DEPTOR: variants seen among roughly 807,000 people sequenced by gnomAD.
DEPTOR encodes the protein DEP domain-containing mTOR-interacting protein.
A neutral mutation model predicts 41.6 loss-of-function variants in DEPTOR; 41 were observed. That is an observed-to-expected ratio of 0.98 (90% CI 0.77 to 1.28). DEPTOR has a LOEUF of 1.28. Ranked by LOEUF, DEPTOR falls within the 50% of genes most tolerant of loss-of-function variation. DEPTOR has a pLI of 0.00. For missense variants in DEPTOR, 514 were observed against 527.9 expected (o/e 0.97, Z 0.26); for synonymous variants, 195 against 192.3 (o/e 1.01, Z -0.12).
At chr8:119,987,658 C>T (rs569066752) in intron 4 of DEPTOR, among the ~76,000 whole-genome samples, 1 of 152,252 alleles carries the variant, frequency 6.6e-6, no homozygotes, top group East Asian at 1.9e-4. Flanking sequence ...GGTGCTCTGT[C>T]CCAGGGAGAG....
At chr8:119,999,229 G>A (rs185784658) in intron 4 of DEPTOR, among the ~76,000 whole-genome samples, 5 of 151,108 alleles carry the variant, frequency 3.3e-5, no homozygotes, top group African/African-American at 1.2e-4. Flanking sequence ...CCGAGATTGT[G>A]CCATTGCACT....
At chr8:120,007,516 G>T (rs1812461289) in intron 7 of DEPTOR, among the ~76,000 whole-genome samples, 1 of 152,072 alleles carries the variant, frequency 6.6e-6, no homozygotes. Context: ...TCTTCAAATG[G>T]AATGAAAGTG....
Position 119,975,870 on chromosome 8 carries a change from CTTTTTTTTTTTTTTTT to C in DEPTOR, c.604+10473_604+10488del, listed in dbSNP as rs34482727. 7.7e-5 allele frequency among the ~76,000 whole-genome samples: 5 copies of C among 65,312 alleles called. No homozygotes were observed. The East Asian group carries it at 2.3e-3, about 30-fold the overall frequency. 42.8% of individuals were successfully genotyped at this position (65,312 alleles called of 152,430 possible). ...CCTGCTCTCCTACTCATGCTTGCTC[CTTTTTTTTTTTTTTTT>C]TTTTTTTTTTTTGAGATGGAGTCTC... is the stretch of plus-strand genomic sequence containing the variant. On this transcript the variant is annotated intron_variant, in intron 4 of 8. Coordinates refer to ENST00000286234, the MANE Select transcript of DEPTOR (RefSeq NM_022783.4).
At chr8:119,877,750 C>T (rs1364686958) in intron 1 of DEPTOR, among the ~76,000 whole-genome samples, 1 of 152,186 alleles carries the variant, frequency 6.6e-6, no homozygotes, top group Non-Finnish European at 1.5e-5. Flanking sequence ...AGCATCCTTC[C>T]CTACAGAATG....
intron 1 of DEPTOR, among the ~76,000 whole-genome samples, chr8:119,904,917 A>G (rs1827642131): frequency 6.6e-6 from 1 of 150,520 alleles, no homozygotes; most frequent in Non-Finnish European, 1.5e-5. Context: ...TCAGCCACCC[A>G]AGTAGCTAGG....
rs1177544022 is a variant in DEPTOR, at chr8:120,049,749, G to A, written c.*45G>A. ...CTCCAGTGGCCTGTGGGTGAGGGAAGCCAGAATGACACAAAGCAATGCAAA... is the reference window on the plus strand; with the variant it reads ...CTCCAGTGGCCTGTGGGTGAGGGAAACCAGAATGACACAAAGCAATGCAAA... On this transcript the variant is annotated 3_prime_UTR_variant, in exon 9 of 9. Transcript: ENST00000286234. The A allele has an allele frequency of 3.1e-6, 5 of 1,608,962 alleles. No homozygotes were observed. The highest frequency in any genetic ancestry group is 1.3e-5 in the African/African-American group (1 of 74,840).
At chr8:120,012,223 A>G (rs1812540683) in intron 8 of DEPTOR, among the ~76,000 whole-genome samples, 1 of 152,250 alleles carries the variant, frequency 6.6e-6, no homozygotes, top group African/African-American at 2.4e-5. Context: ...ATATAAAGTC[A>G]TACACCACTT....
rs151045844 is a variant in DEPTOR, at chr8:120,030,489, G to C, written c.1102-19087G>C. 8.0e-4 allele frequency among the ~76,000 whole-genome samples: 74 copies of C among 92,150 alleles called. No homozygotes were observed. In the East Asian group the frequency reaches 0.023, roughly 28 times the overall value. 60.5% of individuals were successfully genotyped at this position (92,150 alleles called of 152,430 possible). On this transcript the variant is annotated intron_variant, in intron 8 of 8. Coordinates refer to ENST00000286234, the MANE Select transcript of DEPTOR (RefSeq NM_022783.4). ...TGGGTGATAATGATGTATTGTGTAG[G>C]TTCATCAGTTTTTTTTTTTTTTTTT...
chr8:119,911,206 GA>G (rs1827731538), intron 1 of DEPTOR, among the ~76,000 whole-genome samples: 1 of 151,918 alleles, frequency 6.6e-6, no homozygotes, highest in Non-Finnish European at 1.5e-5. Context: ...TTGTCTCCTG[GA>G]GTGCCCTGTG....
At chr8:119,902,145 A>T (rs1827601845) in intron 1 of DEPTOR, among the ~76,000 whole-genome samples, 1 of 152,168 alleles carries the variant, frequency 6.6e-6, no homozygotes, top group Admixed American at 6.5e-5. Flanking sequence ...TTAGAGATGA[A>T]AAGCTTTACG....
rs1030614835 is a variant in DEPTOR at position 120,049,675 on chromosome 8, A to G, written c.1201A>G (p.Met401Val). 1.2e-6 allele frequency: 2 copies of G among 1,613,866 alleles called. No homozygotes were observed. Among genetic ancestry groups the G allele is most frequent in the African/African-American group, 2.7e-5 (2 of 74,932 alleles). The change falls in exon 9 of 9, where the codon ATG becomes GTG. Residue 401 changes from methionine to valine, a missense_variant. Transcript: ENST00000286234. ...LILTGPRTIVMEVMEELEC is the reference protein window; with the variant it reads ...LILTGPRTIVVEVMEELEC ...TCTGACGGGCCCACGGACGATTGTC[A>G]TGGAAGTCATGGAGGAGTTAGAGTG... is the stretch of plus-strand genomic sequence containing the variant.
Position 120,049,880 on chromosome 8 carries a change from A to G in DEPTOR, c.*176A>G, listed in dbSNP as rs947374183. 4.4e-6 allele frequency: 3 copies of G among 679,328 alleles called. No homozygotes were observed. Among genetic ancestry groups the G allele is most frequent in the Non-Finnish European group, 6.4e-6 (3 of 466,464 alleles). The allele number at this position is 679,328 out of a possible 1,614,324, so 42.1% of individuals were successfully genotyped here. Reference sequence around the variant, plus strand: ...ACTGAATGTGGAAGAACCGGGTATCATATCTTTTTTAAAAAATGTCAGTGT... The same window carrying G: ...ACTGAATGTGGAAGAACCGGGTATCGTATCTTTTTTAAAAAATGTCAGTGT... On this transcript the variant is annotated 3_prime_UTR_variant, in exon 9 of 9. Transcript: ENST00000286234.
At chr8:119,944,274 T>G (rs1470180826) in intron 3 of DEPTOR, among the ~76,000 whole-genome samples, 3 of 152,208 alleles carry the variant, frequency 2.0e-5, no homozygotes, top group Admixed American at 1.3e-4. Context: ...TTATCCACAC[T>G]CTATAAATGG....
At chr8:120,013,539 G>A (rs1414105463) in intron 8 of DEPTOR, among the ~76,000 whole-genome samples, 1 of 152,194 alleles carries the variant, frequency 6.6e-6, no homozygotes, top group African/African-American at 2.4e-5. Flanking sequence ...TAGTCGTCAA[G>A]AGGGTCCTGG....
intron 1 of DEPTOR, among the ~76,000 whole-genome samples, chr8:119,897,390 G>A (rs1040374136): frequency 2.6e-5 from 4 of 151,994 alleles, no homozygotes; most frequent in African/African-American, 9.7e-5. Flanking sequence ...AAAATTAGCT[G>A]GACATGGTAG....
At position 120,034,443 on chromosome 8, in the gene DEPTOR, C is replaced by CTTTTTTTTTTTT. The variant is rs148465030; in HGVS notation, c.1102-15122_1102-15111dup. Reference sequence around the variant, plus strand: ...TTTTTTTTTCTTTTTTTTCCTTTTTCTTTTTTTTTTTTTTTTTTTTTTGAG... The same window carrying CTTTTTTTTTTTT: ...TTTTTTTTTCTTTTTTTTCCTTTTTCTTTTTTTTTTTTTTTTTTTTTTTTTTTTTTTTTTGAG... On this transcript the variant is annotated intron_variant, in intron 8 of 8. Transcript: ENST00000286234. 1.2e-3 allele frequency among the ~76,000 whole-genome samples: 111 copies of CTTTTTTTTTTTT among 91,560 alleles called. 2 individuals are homozygous for CTTTTTTTTTTTT. The highest frequency in any genetic ancestry group is 4.8e-3 in the African/African-American group (105 of 21,920). The allele number at this position is 91,560 out of a possible 152,430, so 60.1% of individuals were successfully genotyped here.
chr8:120,024,097 C>A (rs111884018), intron 8 of DEPTOR, among the ~76,000 whole-genome samples: 12 of 152,192 alleles, frequency 7.9e-5, no homozygotes, highest in African/African-American at 2.9e-4. Context: ...CTTAGCCGGG[C>A]ATGGTGGCAT....
chr8:120,003,643 C>T (rs1275421851), intron 6 of DEPTOR, among the ~76,000 whole-genome samples: 4 of 152,124 alleles, frequency 2.6e-5, no homozygotes, highest in African/African-American at 7.2e-5. Flanking sequence ...TGTTGGGGCC[C>T]AACACCCTTA....
chr8:119,951,236 AAAT>A (rs1370451880), intron 3 of DEPTOR, among the ~76,000 whole-genome samples: 1 of 152,230 alleles, frequency 6.6e-6, no homozygotes, highest in Non-Finnish European at 1.5e-5. Context: ...CATTCAGAAT[AAAT>A]AATAACCATT....
Sources: gnomAD v4.1 joint callset for allele counts (sites outside exome capture counted in the v4.1 genomes callset) on GRCh38, gnomAD v4.1.1 for gene constraint, MANE v1.5 for transcripts, NCBI Gene and HGNC (gene_info 2026-07-23, HGNC 2026-07-21) for gene names.